The following MOSMO variants were observed in gnomAD, a reference collection of about 807,000 sequenced individuals.
MOSMO encodes modulator of smoothened protein.
MOSMO carries 5 observed loss-of-function variants against 18.4 expected under a neutral mutation model. The observed-to-expected ratio is 0.27, with a 90% CI of 0.14 to 0.57. MOSMO has a LOEUF of 0.57. Among genes scored for constraint, MOSMO ranks in the 20% least tolerant of loss-of-function variants. The pLI is 0.92. For synonymous variants in MOSMO, 82 were observed against 82.3 expected (o/e 1.00, Z 0.02); for missense variants, 138 against 211.8 (o/e 0.65, Z 2.16).
downstream of MOSMO, among the ~76,000 whole-genome samples, chr16:22,087,885 A>C (rs1456196695): frequency 6.6e-6 from 1 of 152,224 alleles, no homozygotes; most frequent in East Asian, 1.9e-4. Flanking sequence ...ATTTTTTTAA[A>C]AAACACAAAA....
At chr16:22,015,673 A>G (rs2141980422) in intron 1 of MOSMO, among the ~76,000 whole-genome samples, 1 of 152,326 alleles carries the variant, frequency 6.6e-6, no homozygotes, top group African/African-American at 2.4e-5. Flanking sequence ...TGATACTGTG[A>G]ATTCCCAGAG....
At chr16:22,091,582 AG>A (rs954851120), downstream of MOSMO, among the ~76,000 whole-genome samples, 1 of 152,036 alleles carries the variant, frequency 6.6e-6, no homozygotes, top group Non-Finnish European at 1.5e-5. Flanking sequence ...GTAGAGACAG[AG>A]TCTCACTGTG....
intron 1 of MOSMO, among the ~76,000 whole-genome samples, chr16:22,037,502 C>G (rs1900131050): frequency 6.6e-6 from 1 of 152,154 alleles, no homozygotes; most frequent in Admixed American, 6.5e-5. Context: ...TAATTCAACT[C>G]AGTTCTGTTG....
chr16:22,058,212 G>A (rs1343024253), intron 1 of MOSMO, among the ~76,000 whole-genome samples: 1 of 152,124 alleles, frequency 6.6e-6, no homozygotes, highest in African/African-American at 2.4e-5. Context: ...TAGATCACAA[G>A]GTCAGGCGTT....
chr16:22,070,340 T>C (rs567962652), intron 1 of MOSMO, among the ~76,000 whole-genome samples: 1 of 152,280 alleles, frequency 6.6e-6, no homozygotes, highest in East Asian at 1.9e-4. Flanking sequence ...TGAAGGTTAG[T>C]ACAAGAAGGA....
chr16:22,058,727 G>A (rs918678353), intron 1 of MOSMO, among the ~76,000 whole-genome samples: 1 of 152,150 alleles, frequency 6.6e-6, no homozygotes, highest in Non-Finnish European at 1.5e-5. Context: ...GGATAAGTTC[G>A]TTTTCGTATT....
intron 1 of MOSMO, among the ~76,000 whole-genome samples, chr16:22,058,430 A>T (rs1457210267): frequency 6.6e-6 from 1 of 150,928 alleles, no homozygotes; most frequent in South Asian, 2.1e-4. Context: ...CGTCTCAAAA[A>T]AAAAAAAAAA....
chr16:22,078,074 TG>T lies in MOSMO; in HGVS notation c.319+2380del, dbSNP rs1901006973. Among the ~76,000 whole-genome samples, 3 of 152,230 alleles carry T rather than the reference TG, an allele frequency of 2.0e-5. No homozygotes were observed. The South Asian group carries it at 6.2e-4, about 32-fold the overall frequency. On this transcript the variant is annotated intron_variant, in intron 2 of 2. Transcript: ENST00000542527. ...GCCCCCACATGATGGGGGTTCCCTATGGGGGCAAGAGAAACCAAGATGAGTC... is the reference window on the plus strand; with the variant it reads ...GCCCCCACATGATGGGGGTTCCCTATGGGGCAAGAGAAACCAAGATGAGTC...
chr16:22,069,339 A>G (rs1900804522), intron 1 of MOSMO, among the ~76,000 whole-genome samples: 1 of 152,220 alleles, frequency 6.6e-6, no homozygotes, highest in South Asian at 2.1e-4. Context: ...TCAAGTATGA[A>G]AAGAAATGAA....
chr16:22,089,258 G>C (rs1469099884), downstream of MOSMO, among the ~76,000 whole-genome samples: 4 of 152,080 alleles, frequency 2.6e-5, no homozygotes, highest in African/African-American at 9.7e-5. Context: ...TGTAGAGATG[G>C]GGTCTCACTT....
intron 1 of MOSMO, among the ~76,000 whole-genome samples, chr16:22,051,111 G>A (rs748350497): frequency 6.6e-6 from 1 of 152,112 alleles, no homozygotes; most frequent in African/African-American, 2.4e-5. Flanking sequence ...TCTATGGCTG[G>A]GCGCGATGGC....
At chr16:22,055,021 C>T (rs920675373) in intron 1 of MOSMO, among the ~76,000 whole-genome samples, 3 of 151,040 alleles carry the variant, frequency 2.0e-5, no homozygotes, top group African/African-American at 7.3e-5. Context: ...ACTTTGTAAG[C>T]GTAACCTGTA....
chr16:22,070,446 G>C (rs1034210712), intron 1 of MOSMO, among the ~76,000 whole-genome samples: 16 of 152,172 alleles, frequency 1.1e-4, no homozygotes, highest in African/African-American at 3.1e-4. Context: ...TCTAGGCTGG[G>C]TAGGGAAAGA....
At chr16:22,017,465 G>A (rs1899663846) in intron 1 of MOSMO, among the ~76,000 whole-genome samples, 1 of 152,000 alleles carries the variant, frequency 6.6e-6, no homozygotes, top group African/African-American at 2.4e-5. Context: ...TTTTTTCCAA[G>A]TACTTTCTAG....
intron 2 of MOSMO, 39 bp downstream of exon 2, chr16:22,075,738 C>A: frequency 7.4e-7 from 1 of 1,342,932 alleles, no homozygotes; most frequent in Non-Finnish European, 1.0e-6. Flanking sequence ...CTAGAAGGCA[C>A]CCACCCACAC....
At chr16:22,058,536 T>C (rs2141756125) in intron 1 of MOSMO, among the ~76,000 whole-genome samples, 1 of 152,016 alleles carries the variant, frequency 6.6e-6, no homozygotes, top group East Asian at 1.9e-4. Context: ...GGTTGGGATG[T>C]TGGACATGTA....
intron 1 of MOSMO, among the ~76,000 whole-genome samples, chr16:22,061,635 G>A (rs1900647238): frequency 6.6e-6 from 1 of 152,200 alleles, no homozygotes; most frequent in Non-Finnish European, 1.5e-5. Context: ...TTTGCGGAAT[G>A]AATGAAAGCT....
chr16:22,026,215 CTTT>C (rs1230886620), intron 1 of MOSMO, among the ~76,000 whole-genome samples: 4 of 122,136 alleles, frequency 3.3e-5, no homozygotes, highest in Non-Finnish European at 3.5e-5. Context: ...GAATTGCATT[CTTT>C]TTTTTTTTTT....
downstream of MOSMO, among the ~76,000 whole-genome samples, chr16:22,091,029 C>T (rs1184937859): frequency 3.3e-5 from 5 of 151,618 alleles, no homozygotes; most frequent in Admixed American, 6.6e-5. Flanking sequence ...TTGGGGCTCC[C>T]GTGCCTAAAA....
Sources: allele counts gnomAD v4.1 joint callset (sites outside exome capture counted in the v4.1 genomes callset), GRCh38; gene constraint gnomAD v4.1.1; transcripts MANE v1.5; gene names NCBI Gene and HGNC (gene_info 2026-07-23, HGNC 2026-07-21).